Variants in KCNT2 observed in about 807,000 individuals in gnomAD.
KCNT2 encodes the protein potassium sodium-activated channel subfamily T member 2.
Under a neutral mutation model 153.8 loss-of-function variants are expected in KCNT2, and 67 were observed. That is an observed-to-expected ratio of 0.44 (90% CI 0.36 to 0.53). The LOEUF is 0.53. Ranked by LOEUF, KCNT2 falls within the 20% of genes least tolerant of loss-of-function variation. The pLI is 0.00. For synonymous variants in KCNT2, 500 were observed against 458.8 expected (o/e 1.09, Z -1.15); for missense variants, 975 against 1,354.8 (o/e 0.72, Z 4.40).
chr1:196,449,142 AAAG>A (rs1675940253), intron 8 of KCNT2, among the ~76,000 whole-genome samples: 1 of 151,704 alleles, frequency 6.6e-6, no homozygotes, highest in Admixed American at 6.6e-5. Context: ...GGCTTGTAGA[AAAG>A]AAGACCGAGT....
intron 14 of KCNT2, among the ~76,000 whole-genome samples, chr1:196,343,315 C>A (rs1275299997): frequency 6.6e-6 from 1 of 152,144 alleles, no homozygotes; most frequent in African/African-American, 2.4e-5. Context: ...ATTAAAAATT[C>A]AATTTATGAG....
At chr1:196,357,582 G>T (rs1025341077) in intron 14 of KCNT2, among the ~76,000 whole-genome samples, 1 of 151,854 alleles carries the variant, frequency 6.6e-6, no homozygotes, top group Non-Finnish European at 1.5e-5. Flanking sequence ...TGTGGCCTGG[G>T]TTCCAGCAGT....
intron 12 of KCNT2, among the ~76,000 whole-genome samples, chr1:196,416,506 A>T (rs1225547407): frequency 6.6e-6 from 1 of 152,166 alleles, no homozygotes. Flanking sequence ...TAAGGGGGAT[A>T]CTACTGTACC....
chr1:196,554,478 A>G (rs2148905355), intron 1 of KCNT2, among the ~76,000 whole-genome samples: 1 of 151,270 alleles, frequency 6.6e-6, no homozygotes, highest in Admixed American at 6.6e-5. Context: ...ACCTGAACAA[A>G]CCAATAACAA....
At position 196,467,749 on chromosome 1, in the gene KCNT2, A is replaced by G; in HGVS notation, c.497T>C (p.Val166Ala). 6.2e-7 allele frequency: 1 copy of G among 1,607,248 alleles called. No individual in the cohort carries two copies. The highest frequency in any genetic ancestry group is 8.5e-7 in the Non-Finnish European group (1 of 1,175,410). ...TTTGGCAAGCCAACAGTTCAGAAAG[A>G]CTGGGACAAATAGATTCCTTAAGGA... ...WPSLRNLFVP[V>A]FLNCWLAKHA... Residue 166 changes from valine to alanine, a missense_variant, in exon 7 of 28, where the codon GTC (valine) becomes GCC (alanine). Transcript: ENST00000294725.
chr1:196,406,682 T>C (rs1463690514), intron 12 of KCNT2, among the ~76,000 whole-genome samples: 1 of 151,394 alleles, frequency 6.6e-6, no homozygotes, highest in Non-Finnish European at 1.5e-5. Flanking sequence ...AATTTTGTCC[T>C]CCTGCCAAGT....
intron 1 of KCNT2, among the ~76,000 whole-genome samples, chr1:196,498,894 C>A (rs750290394): frequency 8.5e-5 from 13 of 152,072 alleles, no homozygotes; most frequent in Non-Finnish European, 1.8e-4. Context: ...ATTATGTCCC[C>A]CTAAAAGAAA....
chr1:196,571,258 G>A (rs1483453212), intron 1 of KCNT2, among the ~76,000 whole-genome samples: 2 of 152,040 alleles, frequency 1.3e-5, no homozygotes, highest in African/African-American at 2.4e-5. Flanking sequence ...AATGCTTAGG[G>A]GTCCATTTAC....
chr1:196,538,059 GC>G (rs1404598831), intron 1 of KCNT2, among the ~76,000 whole-genome samples: 1 of 152,026 alleles, frequency 6.6e-6, no homozygotes, highest in Admixed American at 6.5e-5. Context: ...CTCCTGAAGG[GC>G]CCTAAACTCT....
chr1:196,395,404 A>G (rs1558238418), intron 13 of KCNT2, among the ~76,000 whole-genome samples: 1 of 151,644 alleles, frequency 6.6e-6, no homozygotes, highest in Non-Finnish European at 1.5e-5. Context: ...GTTTTCCTCT[A>G]AACAAGTACA....
intron 2 of KCNT2, among the ~76,000 whole-genome samples, chr1:196,491,913 T>C (rs1679887911): frequency 6.6e-6 from 1 of 152,060 alleles, no homozygotes; most frequent in African/African-American, 2.4e-5. Flanking sequence ...GTCAGAGCTT[T>C]TTGAAAATAC....
intron 1 of KCNT2, among the ~76,000 whole-genome samples, chr1:196,504,656 C>A (rs182764584): frequency 1.1e-4 from 17 of 152,252 alleles, no homozygotes; most frequent in African/African-American, 3.4e-4. Context: ...TGAGGAATCG[C>A]CACACTGACT....
In KCNT2 at chr1:196,280,930, A is replaced by C; in HGVS notation, c.2840T>G (p.Leu947Trp). 3 of 1,610,616 alleles carry C rather than the reference A, an allele frequency of 1.9e-6. No individual in the cohort carries two copies. Among genetic ancestry groups the C allele is most frequent in the Non-Finnish European group, 2.5e-6 (3 of 1,176,822 alleles). Reference sequence around the variant, plus strand: ...GGGAACATCTCCAGTAGAAGAACACAACTTCTGATAAAGTCTGGCATAAGT... The same window carrying C: ...GGGAACATCTCCAGTAGAAGAACACCACTTCTGATAAAGTCTGGCATAAGT... ...IRTYARLYQK[L>W]CSSTGDVPIG... The change falls in exon 25 of 28, where the codon TTG (leucine) becomes TGG (tryptophan). Residue 947 changes from leucine to tryptophan, a missense_variant. Around this residue, in one of 6 missense-constraint regions of KCNT2, gnomAD observed 241 missense variants for 271.1 expected, o/e 0.89. Coordinates refer to ENST00000294725, the MANE Select transcript of KCNT2 (RefSeq NM_198503.5).
chr1:196,309,875 TA>T (rs1250297342), intron 21 of KCNT2, among the ~76,000 whole-genome samples: 1 of 151,740 alleles, frequency 6.6e-6, no homozygotes, highest in Non-Finnish European at 1.5e-5. Flanking sequence ...ATACTGTAAT[TA>T]AAAAAAGAAG....
At chr1:196,494,537 TAC>T (rs1680101730) in intron 1 of KCNT2, among the ~76,000 whole-genome samples, 1 of 152,104 alleles carries the variant, frequency 6.6e-6, no homozygotes, top group South Asian at 2.1e-4. Context: ...TAGCCGGGAC[TAC>T]AGGCGCCAGC....
chr1:196,292,145 T>C (rs1660240376), intron 22 of KCNT2, among the ~76,000 whole-genome samples: 1 of 152,212 alleles, frequency 6.6e-6, no homozygotes, highest in African/African-American at 2.4e-5. Flanking sequence ...ACCTAGGTTC[T>C]TAGCATACAA....
intron 25 of KCNT2, among the ~76,000 whole-genome samples, chr1:196,262,172 A>T (rs1346235163): frequency 6.6e-6 from 1 of 151,952 alleles, no homozygotes; most frequent in Admixed American, 6.6e-5. Flanking sequence ...GATACACTAA[A>T]TACATCACTC....
intron 1 of KCNT2, among the ~76,000 whole-genome samples, chr1:196,497,552 T>C (rs1680354637): frequency 6.6e-6 from 1 of 152,202 alleles, no homozygotes; most frequent in Non-Finnish European, 1.5e-5. Flanking sequence ...ACTTGAGCAT[T>C]GTGGATTTTG....
At chr1:196,502,301 T>C (rs1342669285) in intron 1 of KCNT2, among the ~76,000 whole-genome samples, 1 of 152,198 alleles carries the variant, frequency 6.6e-6, no homozygotes, top group African/African-American at 2.4e-5. Flanking sequence ...CCTAACATAC[T>C]CAACACCTTT....
Sources: gnomAD v4.1 joint callset for allele counts (sites outside exome capture counted in the v4.1 genomes callset) on GRCh38, gnomAD v4.1.1 for gene constraint, gnomAD v4.1.1 regional missense constraint, MANE v1.5 for transcripts, NCBI Gene and HGNC (gene_info 2026-07-23, HGNC 2026-07-21) for gene names.